The following CDK13 variants were observed in gnomAD, a reference collection of about 807,000 sequenced individuals.
CDK13 encodes the protein cyclin-dependent kinase 13.
Under a neutral mutation model 137.6 loss-of-function variants are expected in CDK13, and 40 were observed. The observed-to-expected ratio is 0.29, with a 90% CI of 0.23 to 0.38. The LOEUF is 0.38. CDK13 is among the 10% of genes least tolerant of loss of function. CDK13 has a pLI of 1.00. For missense variants in CDK13, 1,704 were observed against 1,951.8 expected, an observed-to-expected ratio of 0.87 and a Z score of 2.39; for synonymous variants, 869 against 760.1, an observed-to-expected ratio of 1.14 and a Z score of -2.36.
intron 5 of CDK13, among the ~76,000 whole-genome samples, chr7:40,030,268 TATATATAGAG>T: frequency 7.3e-6 from 1 of 137,246 alleles, no homozygotes; most frequent in East Asian, 2.3e-4. Context: ...TGTGTATATA[TATATATAGAG>T]AGAGAGAGAG....
chr7:40,041,923 A>G (rs1391425659), intron 5 of CDK13, among the ~76,000 whole-genome samples: 1 of 152,228 alleles, frequency 6.6e-6, no homozygotes, highest in Non-Finnish European at 1.5e-5. Flanking sequence ...GTGAAAGAGT[A>G]TGCAATTTAA....
intron 1 of CDK13, among the ~76,000 whole-genome samples, chr7:39,963,772 C>G (rs1166185861): frequency 1.1e-5 from 1 of 88,376 alleles, no homozygotes; most frequent in Non-Finnish European, 2.2e-5. Flanking sequence ...TGTCATAGCT[C>G]TTATTATTTT....
intron 5 of CDK13, among the ~76,000 whole-genome samples, chr7:40,015,053 G>A (rs150087878): frequency 6.6e-6 from 1 of 152,234 alleles, no homozygotes; most frequent in Non-Finnish European, 1.5e-5. Flanking sequence ...GATGATAGAG[G>A]AATGTGTTTT....
At chr7:39,979,239 G>C (rs1291223417) in intron 1 of CDK13, among the ~76,000 whole-genome samples, 1 of 128,124 alleles carries the variant, frequency 7.8e-6, no homozygotes, top group Non-Finnish European at 1.6e-5. Flanking sequence ...TTTTGAGACA[G>C]AGTTTTCGCT....
rs2150548664 is a variant in CDK13, at chr7:40,094,550, G to A, written c.4109G>A (p.Gly1370Glu). The change falls in exon 14 of 14, where the codon GGA (glycine) becomes GAA (glutamate). Residue 1370 changes from glycine to glutamate, a missense_variant. Transcript: ENST00000181839. ...CCACTAGAACGACGTAGTTTCATTGGAAATTCAGATATTCAGTCTTTGGAT... is the reference window on the plus strand; with the variant it reads ...CCACTAGAACGACGTAGTTTCATTGAAAATTCAGATATTCAGTCTTTGGAT... ...APPLERRSFI[G>E]NSDIQSLDNY... The A allele has an allele frequency of 6.2e-7, 1 of 1,611,580 alleles. No homozygotes were observed. Among genetic ancestry groups the A allele is most frequent in the Non-Finnish European group, 8.5e-7 (1 of 1,178,736 alleles).
chr7:40,050,286 T>G (rs568835131), intron 7 of CDK13, among the ~76,000 whole-genome samples: 121 of 152,376 alleles, frequency 7.9e-4, no homozygotes, highest in African/African-American at 2.8e-3. Flanking sequence ...TTCTGTCATA[T>G]ATAATAGTGC....
At chr7:39,978,744 C>T (rs1784158867) in intron 1 of CDK13, among the ~76,000 whole-genome samples, 1 of 152,178 alleles carries the variant, frequency 6.6e-6, no homozygotes, top group African/African-American at 2.4e-5. Context: ...TGAGACACAG[C>T]ATTTCTGACA....
intron 2 of CDK13, among the ~76,000 whole-genome samples, chr7:39,992,283 C>T (rs1249186876): frequency 2.0e-5 from 3 of 151,890 alleles, no homozygotes; most frequent in Non-Finnish European, 4.4e-5. Context: ...CTGCAACCTC[C>T]GCCTCCTGGG....
intron 1 of CDK13, among the ~76,000 whole-genome samples, chr7:39,982,860 G>A (rs1784258754): frequency 1.3e-5 from 2 of 152,186 alleles, no homozygotes; most frequent in African/African-American, 4.8e-5. Flanking sequence ...TTTTGATGGG[G>A]TTGTTTGTTT....
rs190947181 is a variant in CDK13, at chr7:39,954,921, C to G, written c.1211+3069C>G. On this transcript the variant is annotated intron_variant, in intron 1 of 13. Transcript: ENST00000181839. ...ACAGGTGTGAGCCACCACATCCAGC[C>G]TGAAGCTTTTTTTGATGTCAGATAA... is the stretch of plus-strand genomic sequence containing the variant. Among the ~76,000 whole-genome samples, 29 of 152,318 alleles carry G rather than the reference C, an allele frequency of 1.9e-4. No individual in the cohort carries two copies. In the East Asian group the frequency reaches 5.4e-3, roughly 28 times the overall value.
intron 13 of CDK13, 73 bp downstream of exon 13, chr7:40,093,310 A>G: frequency 8.2e-7 from 1 of 1,226,520 alleles, no homozygotes; most frequent in Middle Eastern, 1.9e-4. Context: ...ACTATATATA[A>G]TGTGTATAGT....
intron 1 of CDK13, among the ~76,000 whole-genome samples, chr7:39,954,016 C>T (rs56400688): frequency 0.022 from 3,298 of 152,282 alleles, 66 homozygotes; most frequent in Non-Finnish European, 0.031. Context: ...TATTTAAGGT[C>T]GTTGAATTAT....
intron 12 of CDK13, among the ~76,000 whole-genome samples, chr7:40,090,505 C>CA (rs1212038705): frequency 6.6e-6 from 1 of 152,204 alleles, no homozygotes. Flanking sequence ...AGGCATGTGC[C>CA]ATCACGCTCA....
intron 9 of CDK13, chr7:40,071,971 G>A (rs1481138367): frequency 6.6e-6 from 1 of 152,082 alleles, no homozygotes; most frequent in African/African-American, 2.4e-5. Flanking sequence ...GCCTCAGTTC[G>A]CAAGTCAAAT....
chr7:40,007,283 C>T (rs1386063559), intron 5 of CDK13, among the ~76,000 whole-genome samples: 1 of 152,230 alleles, frequency 6.6e-6, no homozygotes, highest in East Asian at 1.9e-4. Flanking sequence ...CAACATGTCA[C>T]TGTTTGGTCC....
chr7:39,952,619 C>T (rs1787267000), intron 1 of CDK13: 1 of 152,114 alleles, frequency 6.6e-6, no homozygotes, highest in Admixed American at 6.5e-5. Context: ...CTAGTGTAAC[C>T]AAGTGAATGG....
rs1169552111 is a variant in CDK13 at position 40,029,833 on chromosome 7, T to C, written c.2354-16003T>C. 2.0e-5 allele frequency among the ~76,000 whole-genome samples: 3 copies of C among 152,098 alleles called. No individual in the cohort carries two copies. In the East Asian group the frequency reaches 5.9e-4, roughly 30 times the overall value. The stretch of plus-strand genomic sequence containing the variant: ...GTGCCCTGCTAATTTTTTGTAGTTT[T>C]AGTAGAGACGGAGTTTCACTATGCT... On this transcript the variant is annotated intron_variant, in intron 5 of 13. Transcript: ENST00000181839.
intron 4 of CDK13, among the ~76,000 whole-genome samples, chr7:40,000,297 T>C (rs2116321854): frequency 6.6e-6 from 1 of 151,782 alleles, no homozygotes; most frequent in Non-Finnish European, 1.5e-5. Flanking sequence ...ACCCAGGGAG[T>C]GGAGGTTGTA....
At position 39,991,308 on chromosome 7, in the gene CDK13, AT is replaced by A. The variant is rs536201180; in HGVS notation, c.1871+3053del. Reference sequence around the variant, plus strand: ...AAACCCGAATATGGGAGGTATCTTTATTTACTTGTTACTCACTGTAAATGTA... The same window carrying A: ...AAACCCGAATATGGGAGGTATCTTTATTACTTGTTACTCACTGTAAATGTA... On this transcript the variant is annotated intron_variant, in intron 2 of 13. Coordinates refer to ENST00000181839, the MANE Select transcript of CDK13 (RefSeq NM_003718.5). Among the ~76,000 whole-genome samples, 35 of 152,292 alleles carry A rather than the reference AT, an allele frequency of 2.3e-4. No individual in the cohort carries two copies. In the East Asian group the frequency reaches 6.2e-3, roughly 27 times the overall value.
Sources: allele counts gnomAD v4.1 joint callset (sites outside exome capture counted in the v4.1 genomes callset), GRCh38; gene constraint gnomAD v4.1.1; transcripts MANE v1.5; gene names NCBI Gene and HGNC (gene_info 2026-07-23, HGNC 2026-07-21).